Variants in SSBP3 observed in about 807,000 individuals in gnomAD.
SSBP3 encodes the protein single-stranded DNA-binding protein 3.
A neutral mutation model predicts 69.6 loss-of-function variants in SSBP3; 5 were observed. The ratio of observed to expected loss-of-function variants is 0.07; its 90% CI spans 0.04 to 0.15. SSBP3 has a LOEUF of 0.15. Ranked by LOEUF, SSBP3 falls within the 10% of genes least tolerant of loss-of-function variation. The pLI is 1.00. For synonymous variants in SSBP3, 196 were observed against 193.4 expected (o/e 1.01, Z -0.11); for missense variants, 312 against 534.0 (o/e 0.58, Z 4.10).
chr1:54,344,538 G>T (rs1216397840), intron 4 of SSBP3, among the ~76,000 whole-genome samples: 1 of 152,188 alleles, frequency 6.6e-6, no homozygotes, highest in African/African-American at 2.4e-5. Flanking sequence ...ATAAAGATGG[G>T]CTCTGCTTCC....
intron 4 of SSBP3, among the ~76,000 whole-genome samples, chr1:54,359,112 C>T (rs146784355): frequency 0.016 from 2,358 of 147,670 alleles, 157 homozygotes; most frequent in Admixed American, 0.13. Flanking sequence ...CAAAACAGAA[C>T]AGAGGCTATT....
intron 10 of SSBP3, 146 bp from the exon 11 acceptor site, chr1:54,242,358 G>A: frequency 3.9e-6 from 3 of 767,336 alleles, no homozygotes; most frequent in Non-Finnish European, 6.4e-6. Flanking sequence ...CTGGCTCAGG[G>A]CAGTAATGGG....
At chr1:54,327,586 C>CATTA (rs1245763154) in intron 4 of SSBP3, among the ~76,000 whole-genome samples, 1 of 152,056 alleles carries the variant, frequency 6.6e-6, no homozygotes, top group Admixed American at 6.5e-5. Context: ...TTCTCTCTCT[C>CATTA]TTTTTTAATG....
chr1:54,327,640 GGGCAGACA>G (rs1646334810), intron 4 of SSBP3, among the ~76,000 whole-genome samples: 1 of 152,088 alleles, frequency 6.6e-6, no homozygotes, highest in Non-Finnish European at 1.5e-5. Flanking sequence ...ACAAAAGTGA[GGGCAGACA>G]GGCATAGTGG....
chr1:54,393,593 C>G (rs1648650278), intron 4 of SSBP3, among the ~76,000 whole-genome samples: 1 of 152,020 alleles, frequency 6.6e-6, no homozygotes, highest in African/African-American at 2.4e-5. Flanking sequence ...AATTCAAGAC[C>G]AGCCTAGGCA....
intron 4 of SSBP3, among the ~76,000 whole-genome samples, chr1:54,304,312 A>T (rs1032209153): frequency 6.6e-6 from 1 of 152,048 alleles, no homozygotes; most frequent in Non-Finnish European, 1.5e-5. Context: ...TCCATGAGAC[A>T]ACAGTGGCCT....
chr1:54,330,439 T>A (rs964105987), intron 4 of SSBP3, among the ~76,000 whole-genome samples: 1 of 152,152 alleles, frequency 6.6e-6, no homozygotes, highest in Non-Finnish European at 1.5e-5. Flanking sequence ...ATTTTATTCA[T>A]CCTTATGGCT....
intron 4 of SSBP3, among the ~76,000 whole-genome samples, chr1:54,355,918 CCCATTAACGCAGTGCTCGTG>C (rs766714634): frequency 6.6e-6 from 1 of 152,208 alleles, no homozygotes; most frequent in Non-Finnish European, 1.5e-5. Flanking sequence ...CTGGCCAGAC[CCCATTAACGCAGTGCTCGTG>C]CCATCAACAC....
At chr1:54,372,524 C>A (rs1452608652) in intron 4 of SSBP3, among the ~76,000 whole-genome samples, 1 of 152,188 alleles carries the variant, frequency 6.6e-6, no homozygotes, top group Non-Finnish European at 1.5e-5. Flanking sequence ...CACTGACCAC[C>A]ACCTACCTTG....
chr1:54,368,268 A>G (rs1292561536), intron 4 of SSBP3, among the ~76,000 whole-genome samples: 1 of 147,618 alleles, frequency 6.8e-6, no homozygotes, highest in Admixed American at 6.8e-5. Flanking sequence ...ACTGCACTCC[A>G]GCAGAACGAG....
At chr1:54,405,099 G>A (rs1300979327) in intron 1 of SSBP3, among the ~76,000 whole-genome samples, 169 bp from the exon 2 acceptor site, 1 of 152,186 alleles carries the variant, frequency 6.6e-6, no homozygotes, top group African/African-American at 2.4e-5. Flanking sequence ...GGTGCGAACA[G>A]TTAGGGGGTG....
chr1:54,314,683 G>A (rs771324009), intron 4 of SSBP3, among the ~76,000 whole-genome samples: 4 of 152,164 alleles, frequency 2.6e-5, no homozygotes, highest in Admixed American at 6.5e-5. Flanking sequence ...GACCTCAAAG[G>A]GCTCTTAAGG....
intron 5 of SSBP3, among the ~76,000 whole-genome samples, chr1:54,269,125 T>C (rs539697414): frequency 6.6e-6 from 1 of 152,218 alleles, no homozygotes; most frequent in South Asian, 2.1e-4. Context: ...CAGCCCTCCT[T>C]ATTACCTCAC....
chr1:54,407,038 C>T (rs924026375), upstream of SSBP3, among the ~76,000 whole-genome samples: 1 of 152,006 alleles, frequency 6.6e-6, no homozygotes, highest in Non-Finnish European at 1.5e-5. Flanking sequence ...GAGAGCTGGG[C>T]GGCTCGAGCC....
At chr1:54,340,034 C>T (rs190982614) in intron 4 of SSBP3, among the ~76,000 whole-genome samples, 92 of 152,202 alleles carry the variant, frequency 6.0e-4, no homozygotes, top group Non-Finnish European at 9.1e-4. Flanking sequence ...GCTTCTCTGG[C>T]TCTACTTCTT....
chr1:54,292,123 G>A (rs1022202954), intron 4 of SSBP3, among the ~76,000 whole-genome samples: 3 of 152,232 alleles, frequency 2.0e-5, no homozygotes, highest in Non-Finnish European at 4.4e-5. Flanking sequence ...CTCCCCTGGA[G>A]GTGACAAGCT....
chr1:54,373,312 C>T (rs981757666), intron 4 of SSBP3, among the ~76,000 whole-genome samples: 4 of 152,170 alleles, frequency 2.6e-5, no homozygotes, highest in African/African-American at 9.7e-5. Context: ...GCGGCCTCTT[C>T]CCTGTCTGGG....
At chr1:54,232,695 T>C (rs962499841) in intron 14 of SSBP3, among the ~76,000 whole-genome samples, 33 of 151,940 alleles carry the variant, frequency 2.2e-4, no homozygotes, top group African/African-American at 7.2e-4. Flanking sequence ...CCTCCCTGCC[T>C]GATTCTCCTG....
chr1:54,292,813 GT>G (rs1645632513), intron 4 of SSBP3, among the ~76,000 whole-genome samples: 1 of 151,904 alleles, frequency 6.6e-6, no homozygotes, highest in Admixed American at 6.6e-5. Context: ...AATATCTCTG[GT>G]ACCTGATACC....
Sources: gnomAD v4.1 joint callset for allele counts (sites outside exome capture counted in the v4.1 genomes callset) on GRCh38, gnomAD v4.1.1 for gene constraint, MANE v1.5 for transcripts, NCBI Gene and HGNC (gene_info 2026-07-23, HGNC 2026-07-21) for gene names.